Variants in FHIT observed in about 807,000 individuals in gnomAD.
FHIT encodes bis(5'-adenosyl)-triphosphatase.
In FHIT, 19 loss-of-function variants were observed where a neutral mutation model predicts 17.9. That is an observed-to-expected ratio of 1.06 (90% confidence interval 0.74 to 1.56). FHIT has a LOEUF of 1.56. Among genes scored for constraint, FHIT ranks in the 40% most tolerant of loss-of-function variants. The probability of loss-of-function intolerance (pLI) is 0.00; values close to 1 mark genes in which losing one functional copy is unlikely to be tolerated. For synonymous variants in FHIT, 81 were observed against 69.7 expected (o/e 1.16, Z -0.81); for missense variants, 248 against 189.2 (o/e 1.31, Z -1.82).
At chr3:61,161,857 A>G (rs1371095) in intron 2 of FHIT, among the ~76,000 whole-genome samples, 71,804 of 152,124 alleles carry the variant, frequency 0.47, 17,826 homozygotes, top group East Asian at 0.87. Flanking sequence ...CTACAAATAG[A>G]ATTAAAAGTG....
chr3:60,998,046 G>C (rs1488382262), intron 3 of FHIT, among the ~76,000 whole-genome samples: 1 of 152,158 alleles, frequency 6.6e-6, no homozygotes, highest in East Asian at 1.9e-4. Context: ...CCATTTTGAT[G>C]ATGAAGAAAC....
At chr3:60,278,699 G>A (rs1223906871) in intron 5 of FHIT, among the ~76,000 whole-genome samples, 1 of 146,668 alleles carries the variant, frequency 6.8e-6, no homozygotes, top group African/African-American at 2.5e-5. Context: ...CTCTAAGCTA[G>A]ATTAACATAA....
intron 1 of FHIT, among the ~76,000 whole-genome samples, chr3:61,244,459 A>G (rs1225949289): frequency 1.3e-5 from 2 of 152,230 alleles, no homozygotes; most frequent in African/African-American, 2.4e-5. Flanking sequence ...GGGATGAAAT[A>G]TATCTATTTG....
At chr3:60,741,933 C>T (rs2042249800) in intron 4 of FHIT, among the ~76,000 whole-genome samples, 1 of 152,190 alleles carries the variant, frequency 6.6e-6, no homozygotes. Context: ...AATAGATTCC[C>T]AGGCTCCCCT....
chr3:60,461,242 T>C (rs2032444568), intron 5 of FHIT, among the ~76,000 whole-genome samples: 1 of 152,150 alleles, frequency 6.6e-6, no homozygotes, highest in Non-Finnish European at 1.5e-5. Flanking sequence ...TCCTTTTGAT[T>C]AGAAAAATTA....
chr3:59,888,428 A>C (rs1469848840), intron 8 of FHIT, among the ~76,000 whole-genome samples: 3 of 152,246 alleles, frequency 2.0e-5, no homozygotes, highest in Non-Finnish European at 4.4e-5. Context: ...AAAAGGCCCA[A>C]ATTGAAGGCA....
chr3:60,756,117 T>G lies in FHIT; in HGVS notation c.-18+65802A>C, dbSNP rs575979872. ...CCTGGCACAGAGAATGCATTCAAAG[T>G]GTATTAGTTAAATTTCACTAAAAAG... On this transcript the variant is annotated intron_variant, in intron 4 of 9. Coordinates refer to ENST00000492590, the MANE Select transcript of FHIT (RefSeq NM_002012.4). Among the ~76,000 whole-genome samples the G allele has an allele frequency of 9.2e-5, 14 of 152,324 alleles. 1 individual carries two copies. The highest frequency in any genetic ancestry group is 2.6e-4 in the Admixed American group (4 of 15,300).
intron 4 of FHIT, among the ~76,000 whole-genome samples, chr3:60,550,800 T>C (rs2036520888): frequency 6.6e-6 from 1 of 152,144 alleles, no homozygotes; most frequent in Admixed American, 6.5e-5. Context: ...ACTATTCTAG[T>C]GGTAAATATG....
At chr3:60,588,912 A>G (rs2037991686) in intron 4 of FHIT, among the ~76,000 whole-genome samples, 1 of 152,076 alleles carries the variant, frequency 6.6e-6, no homozygotes, top group Admixed American at 6.6e-5. Flanking sequence ...TTAAGAATTC[A>G]GCATTTAGCT....
chr3:60,083,640 G>A (rs1703379605), intron 5 of FHIT, among the ~76,000 whole-genome samples: 2 of 152,080 alleles, frequency 1.3e-5, no homozygotes, highest in Admixed American at 6.6e-5. Flanking sequence ...GAGATAGACT[G>A]GTCCCTCAAA....
intron 8 of FHIT, among the ~76,000 whole-genome samples, chr3:59,774,442 G>C (rs1702213758): frequency 6.6e-6 from 1 of 152,224 alleles, no homozygotes. Context: ...GGTTCGGCAA[G>C]TTACCTCACC....
At chr3:60,193,741 G>A (rs545027520) in intron 5 of FHIT, among the ~76,000 whole-genome samples, 1 of 152,266 alleles carries the variant, frequency 6.6e-6, no homozygotes, top group East Asian at 1.9e-4. Context: ...GGGGACACAG[G>A]CTTTCACATA....
At chr3:60,916,013 C>T (rs1019717005) in intron 3 of FHIT, among the ~76,000 whole-genome samples, 5 of 152,108 alleles carry the variant, frequency 3.3e-5, no homozygotes, top group African/African-American at 1.2e-4. Context: ...ATTTCCATGA[C>T]TACAAATAAT....
intron 3 of FHIT, among the ~76,000 whole-genome samples, chr3:61,001,366 G>A (rs112550773): frequency 0.088 from 13,343 of 152,242 alleles, 651 homozygotes; most frequent in Middle Eastern, 0.14. Flanking sequence ...ATGAATGTTC[G>A]TAGCAGCTTT....
chr3:60,668,554 C>CTTTT (rs71092627), intron 4 of FHIT, among the ~76,000 whole-genome samples: 7 of 54,840 alleles, frequency 1.3e-4, no homozygotes, highest in African/African-American at 4.4e-4. Flanking sequence ...CCAGCTCATT[C>CTTTT]TTTTTTTTTT....
At chr3:59,980,442 G>C (rs923791240) in intron 7 of FHIT, among the ~76,000 whole-genome samples, 4 of 152,182 alleles carry the variant, frequency 2.6e-5, no homozygotes, top group Admixed American at 1.3e-4. Context: ...TCTGGCTTTA[G>C]CTATAGGTTG....
chr3:61,080,682 T>C (rs749841900), intron 2 of FHIT, among the ~76,000 whole-genome samples: 2 of 152,156 alleles, frequency 1.3e-5, no homozygotes, highest in Non-Finnish European at 2.9e-5. Flanking sequence ...CCCATTCATT[T>C]TTCCTCTAAT....
intron 5 of FHIT, among the ~76,000 whole-genome samples, chr3:60,419,836 T>C (rs900168410): frequency 6.6e-6 from 1 of 152,150 alleles, no homozygotes; most frequent in Non-Finnish European, 1.5e-5. Context: ...AAAATGGGCA[T>C]AATATCATCT....
At position 60,013,907 on chromosome 3, in the gene FHIT, C is replaced by T. The variant is rs925809295; in HGVS notation, c.249+100G>A. The T allele has an allele frequency of 7.2e-6, 9 of 1,248,080 alleles. No homozygotes were observed. The Admixed American group carries it at 1.2e-4, about 17-fold the overall frequency. The allele number at this position is 1,248,080 out of a possible 1,614,324, so 77.3% of individuals were successfully genotyped here. Reference sequence around the variant, plus strand: ...TTTTGGCTGCTACCTAAAATACAAACAATCACATCTGCCCTCCTGGTAAGA... The same window carrying T: ...TTTTGGCTGCTACCTAAAATACAAATAATCACATCTGCCCTCCTGGTAAGA... On this transcript the variant is annotated intron_variant, in intron 6 of 9. Coordinates refer to ENST00000492590, the MANE Select transcript of FHIT (RefSeq NM_002012.4).
Sources: gnomAD v4.1 joint callset for allele counts (sites outside exome capture counted in the v4.1 genomes callset) on GRCh38, gnomAD v4.1.1 for gene constraint, MANE v1.5 for transcripts, NCBI Gene and HGNC (gene_info 2026-07-23, HGNC 2026-07-21) for gene names.